Variants in TEKTL1 observed in about 807,000 individuals in gnomAD.
TEKTL1 encodes the protein tektin like 1.
chr19:15,019,407 T>C, the TEKTL1 span, among the ~76,000 whole-genome samples: 30 of 152,332 alleles, frequency 2.0e-4, no homozygotes, highest in African/African-American at 7.2e-4. Context: ...AAAAAAATGA[T>C]AAGTATGTGA....
chr19:15,020,377 A>G, the TEKTL1 span: 1 of 1,210,868 alleles, frequency 8.3e-7, no homozygotes, highest in Non-Finnish European at 1.2e-6. Flanking sequence ...TATAAGGCTC[A>G]AGCCTGCAGC....
chr19:15,011,175 C>T, the TEKTL1 span: 2 of 1,495,382 alleles, frequency 1.3e-6, no homozygotes, highest in East Asian at 5.0e-5. Context: ...CACCGCAAAG[C>T]GCGCGCCCTG....
the TEKTL1 span, among the ~76,000 whole-genome samples, chr19:15,012,190 T>A: frequency 6.6e-6 from 1 of 150,818 alleles, no homozygotes; most frequent in Admixed American, 6.6e-5. Context: ...AGCCCAAGAG[T>A]TTGAGGCTGC....
chr19:15,018,121 G>A, the TEKTL1 span, among the ~76,000 whole-genome samples: 1 of 152,204 alleles, frequency 6.6e-6, no homozygotes, highest in African/African-American at 2.4e-5. Flanking sequence ...GGGAGGCTGA[G>A]GCGGGTGGAT....
chr19:15,018,820 C>T, the TEKTL1 span, among the ~76,000 whole-genome samples: 10,979 of 148,478 alleles, frequency 0.074, 846 homozygotes, highest in African/African-American at 0.19. Context: ...CTCTTATTTC[C>T]ACGTTCCCAT....
chr19:15,021,974 C>G, the TEKTL1 span: 1 of 1,358,180 alleles, frequency 7.4e-7, no homozygotes, highest in East Asian at 2.3e-5. Flanking sequence ...GGTAAGGCTC[C>G]TTCCTCAAGC....
chr19:15,021,252 CCCCTCG>C, the TEKTL1 span: 1 of 1,456,684 alleles, frequency 6.9e-7, no homozygotes, highest in Non-Finnish European at 9.2e-7. Flanking sequence ...TCAATAAAAC[CCCCTCG>C]CCCAGGGCCC....
chr19:15,019,540 G>C, the TEKTL1 span, among the ~76,000 whole-genome samples: 1 of 152,060 alleles, frequency 6.6e-6, no homozygotes, highest in Non-Finnish European at 1.5e-5. Flanking sequence ...AAAAATTTAA[G>C]TAAAATAATA....
the TEKTL1 span, chr19:15,023,156 A>G: frequency 1.3e-6 from 2 of 1,533,792 alleles, no homozygotes; most frequent in Admixed American, 4.1e-5. Context: ...AGCTGATTGG[A>G]TGCTGGCTGG....
the TEKTL1 span, chr19:15,020,531 A>G: frequency 6.2e-7 from 1 of 1,613,242 alleles, no homozygotes; most frequent in Non-Finnish European, 8.5e-7. Context: ...GACCTCATGA[A>G]CCAGCCTCTG....
chr19:15,019,484 A>T, the TEKTL1 span, among the ~76,000 whole-genome samples: 2 of 152,212 alleles, frequency 1.3e-5, no homozygotes, highest in Non-Finnish European at 2.9e-5. Flanking sequence ...AAAGCATCAC[A>T]TTGCATGCCA....
At chr19:15,011,372 G>C in the TEKTL1 span, 1 of 1,445,720 alleles carries the variant, frequency 6.9e-7, no homozygotes, top group Non-Finnish European at 9.1e-7. Flanking sequence ...CAAGCTGCGG[G>C]GCTACAGGCC....
chr19:15,011,436 A>G, the TEKTL1 span: 1 of 1,383,654 alleles, frequency 7.2e-7, no homozygotes, highest in Non-Finnish European at 9.4e-7. Flanking sequence ...CTAACTGCAA[A>G]GACTGAGGCC....
At chr19:15,018,732 A>ATATATATAT in the TEKTL1 span, among the ~76,000 whole-genome samples, 33 of 78,392 alleles carry the variant, frequency 4.2e-4, no homozygotes, top group Middle Eastern at 7.1e-3. Flanking sequence ...ATATATATAT[A>ATATATATAT]ACTTCCCTGG....
chr19:15,015,152 G>A, the TEKTL1 span, among the ~76,000 whole-genome samples: 551 of 152,238 alleles, frequency 3.6e-3, 1 homozygote, highest in African/African-American at 0.013. Context: ...ATACCTCTGC[G>A]CTCCAGTCTG....
At chr19:15,013,502 T>C in the TEKTL1 span, among the ~76,000 whole-genome samples, 1 of 151,896 alleles carries the variant, frequency 6.6e-6, no homozygotes, top group South Asian at 2.1e-4. Flanking sequence ...ACTGAAAAGA[T>C]CAAACCTTCT....
chr19:15,011,505 T>G, the TEKTL1 span: 2 of 967,416 alleles, frequency 2.1e-6, no homozygotes, highest in Non-Finnish European at 2.8e-6. Context: ...AGGCCAAGGC[T>G]GGTTGATCAC....
chr19:15,012,117 C>T, the TEKTL1 span, among the ~76,000 whole-genome samples: 2 of 151,388 alleles, frequency 1.3e-5, no homozygotes, highest in Admixed American at 1.3e-4. Context: ...TTTTAGTGGC[C>T]CAGCATGGTG....
chr19:15,012,929 C>G, the TEKTL1 span, among the ~76,000 whole-genome samples: 1 of 68,406 alleles, frequency 1.5e-5, no homozygotes, highest in East Asian at 2.9e-4. Context: ...AGGTGAAACT[C>G]CCCCCCAGAA....
Sources: allele counts gnomAD v4.1 joint callset (sites outside exome capture counted in the v4.1 genomes callset), GRCh38; gene constraint gnomAD v4.1.1; transcripts MANE v1.5; gene names NCBI Gene and HGNC (gene_info 2026-07-23, HGNC 2026-07-21).